The following PECAM1 variants were observed in gnomAD, a reference collection of about 807,000 sequenced individuals.
PECAM1 encodes platelet and endothelial cell adhesion molecule 1.
A neutral mutation model predicts 13.8 loss-of-function variants in PECAM1; 8 were observed. The ratio of observed to expected loss-of-function variants is 0.58; its 90% confidence interval spans 0.34 to 1.05. PECAM1 has a LOEUF of 1.05. Ranked by LOEUF, PECAM1 falls within the 50% of genes least tolerant of loss-of-function variation. The pLI is 0.03. For synonymous variants in PECAM1, 136 were observed against 52.6 expected, an observed-to-expected ratio of 2.58 and a Z score of -6.86; for missense variants, 304 against 141.2, an observed-to-expected ratio of 2.15 and a Z score of -5.84.
chr17:64,347,365 A>C (rs1040060721), intron 13 of PECAM1, among the ~76,000 whole-genome samples: 20 of 149,104 alleles, frequency 1.3e-4, no homozygotes, highest in African/African-American at 4.7e-4. Context: ...TAAAAATACA[A>C]AAAAAAAATA....
Position 64,374,210 on chromosome 17 carries a change from C to T in PECAM1, c.691+841G>A, listed in dbSNP as rs7222315. 8.5e-3 allele frequency among the ~76,000 whole-genome samples: 1,297 copies of T among 152,306 alleles called. 12 individuals are homozygous for T. The highest frequency in any genetic ancestry group is 0.028 in the African/African-American group (1,158 of 41,550). On this transcript the variant is annotated intron_variant, in intron 4 of 15. Coordinates refer to ENST00000563924, the MANE Select transcript of PECAM1 (RefSeq NM_000442.5). ...GCCAGTGTTTAAAGACTGAAATAGG[C>T]TGGGCACGGTGGCTCACGCCTGTAA...
chr17:64,337,650 C>T (rs1470701330), intron 14 of PECAM1, among the ~76,000 whole-genome samples: 1 of 136,694 alleles, frequency 7.3e-6, no homozygotes, highest in Non-Finnish European at 1.6e-5. Flanking sequence ...TCAAATCCTA[C>T]AAGAGTGGGT....
chr17:64,384,288 T>G (rs1376490567), intron 2 of PECAM1, among the ~76,000 whole-genome samples: 1 of 152,122 alleles, frequency 6.6e-6, no homozygotes, highest in Non-Finnish European at 1.5e-5. Context: ...GTCTCAGCTC[T>G]TCATCTTAAC....
intron 5 of PECAM1, 93 bp from the exon 6 acceptor site, chr17:64,363,490 C>T (rs2036032964): frequency 4.3e-6 from 2 of 468,972 alleles, no homozygotes; most frequent in Non-Finnish European, 7.7e-6. Flanking sequence ...GTGCTCTTGG[C>T]AGAACCAACT....
chr17:64,360,704 C>T (rs2035953378), intron 6 of PECAM1, among the ~76,000 whole-genome samples: 1 of 151,472 alleles, frequency 6.6e-6, no homozygotes, highest in African/African-American at 2.4e-5. Flanking sequence ...CCCAGAAATA[C>T]ATGTTCATAT....
At chr17:64,369,725 C>A (rs964696740) in intron 5 of PECAM1, 25 bp downstream of exon 5, 2 of 398,552 alleles carry the variant, frequency 5.0e-6, no homozygotes, top group African/African-American at 2.1e-5. Flanking sequence ...CATATGCCAA[C>A]ACCCTCCCGC....
At chr17:64,373,526 C>CTGTGTGTGTG (rs199493363) in intron 4 of PECAM1, among the ~76,000 whole-genome samples, 6 of 148,922 alleles carry the variant, frequency 4.0e-5, no homozygotes, top group South Asian at 2.1e-4. Context: ...GATGTTTTTT[C>CTGTGTGTGTG]TGTGTGTGTG....
chr17:64,330,033 C>T (rs2035064699), intron 14 of PECAM1, among the ~76,000 whole-genome samples: 1 of 151,716 alleles, frequency 6.6e-6, no homozygotes, highest in African/African-American at 2.4e-5. Context: ...CATCTTGGCT[C>T]ACCGTAACCT....
Position 64,358,951 on chromosome 17 carries a change from C to T in PECAM1, c.1492+1189G>A, listed in dbSNP as rs1394674037. 9.9e-5 allele frequency among the ~76,000 whole-genome samples: 15 copies of T among 152,118 alleles called. 1 individual carries two copies. The highest frequency in any genetic ancestry group is 7.9e-4 in the Admixed American group (12 of 15,256). ...AGCTGGCATTAAAGGTGCCCACCAC[C>T]ACACCCAGCTAATTTTTTGTATTTT... is the stretch of plus-strand genomic sequence containing the variant. On this transcript the variant is annotated intron_variant, in intron 7 of 15. Transcript: ENST00000563924.
chr17:64,368,852 C>CA (rs1415976740), intron 5 of PECAM1, among the ~76,000 whole-genome samples: 17 of 75,580 alleles, frequency 2.2e-4, no homozygotes, highest in African/African-American at 8.7e-4. Flanking sequence ...GACTTTGTCT[C>CA]AAAAAAGAAA....
chr17:64,327,527 G>T (rs375240578), intron 15 of PECAM1, among the ~76,000 whole-genome samples: 9 of 152,172 alleles, frequency 5.9e-5, no homozygotes, highest in African/African-American at 1.4e-4. Flanking sequence ...CTCCAGGAAG[G>T]GGGGAGGCGA....
chr17:64,379,721 G>A (rs1267714381), intron 2 of PECAM1, among the ~76,000 whole-genome samples: 5 of 152,004 alleles, frequency 3.3e-5, no homozygotes, highest in African/African-American at 9.7e-5. Context: ...TTCTATACAT[G>A]GCTAAAAAAA....
intron 14 of PECAM1, among the ~76,000 whole-genome samples, chr17:64,334,779 T>C (rs1343191668): frequency 6.6e-6 from 1 of 152,022 alleles, no homozygotes; most frequent in African/African-American, 2.4e-5. Flanking sequence ...ATTGCTGGGA[T>C]TACAGGCGTG....
chr17:64,342,635 G>T (rs2143737723), intron 13 of PECAM1, among the ~76,000 whole-genome samples: 1 of 152,074 alleles, frequency 6.6e-6, no homozygotes, highest in East Asian at 1.9e-4. Flanking sequence ...ATCTCCTCAG[G>T]GGCCCTAATA....
chr17:64,360,222 T>C lies in PECAM1; in HGVS notation c.1410A>G (p.Glu470=). Residue 470 remains glutamate, a synonymous_variant, in exon 7 of 16, where the codon GAA becomes GAG. Transcript: ENST00000563924. ...CTGCAACACACTGGTATTCGACGTC[T>C]TCAGTGGGGTTGTCTTTGAATACCG... is the stretch of plus-strand genomic sequence containing the variant. ...DPAVFKDNPT[E]DVEYQCVADN... is the part of the protein sequence containing the mutation. The C allele has an allele frequency of 2.1e-6, 1 of 475,410 alleles. No individual in the cohort carries two copies. The highest frequency in any genetic ancestry group is 3.9e-6 in the Non-Finnish European group (1 of 259,044). The allele number at this position is 475,410 out of a possible 1,614,324, so 29.4% of individuals were successfully genotyped here.
chr17:64,373,148 A>AAATAAATAAATAAATAAAT, intron 4 of PECAM1, among the ~76,000 whole-genome samples: 1 of 139,316 alleles, frequency 7.2e-6, no homozygotes, highest in Non-Finnish European at 1.5e-5. Context: ...AATAAATAAA[A>AAATAAATAAATAAATAAAT]AAAAAAGAAA....
At chr17:64,334,245 T>A (rs1029193776) in intron 14 of PECAM1, among the ~76,000 whole-genome samples, 7 of 151,786 alleles carry the variant, frequency 4.6e-5, no homozygotes, top group African/African-American at 9.7e-5. Context: ...CCCAGCTCTC[T>A]CTCCTCGGCC....
At chr17:64,389,083 T>C (rs1396724575) in intron 2 of PECAM1, among the ~76,000 whole-genome samples, 1 of 152,160 alleles carries the variant, frequency 6.6e-6, no homozygotes, top group Admixed American at 6.5e-5. Context: ...AGGAAGCACC[T>C]ACAGTTGAGC....
rs1384237450 is a variant in PECAM1, at chr17:64,361,127, A to ATG, written c.1217-713_1217-712insCA. Among the ~76,000 whole-genome samples the ATG allele has an allele frequency of 3.0e-4, 14 of 47,006 alleles. 1 individual carries two copies. The highest frequency in any genetic ancestry group is 5.5e-4 in the African/African-American group (11 of 20,134). The allele number at this position is 47,006 out of a possible 152,430, so 30.8% of individuals were successfully genotyped here. ...TGAGCCACCACACCTGGCTGAGCAT[A>ATG]TATGTGTGTGTGTGTGTGTGTGTGT... On this transcript the variant is annotated intron_variant, in intron 6 of 15. Coordinates refer to ENST00000563924, the MANE Select transcript of PECAM1 (RefSeq NM_000442.5).
Sources: allele counts gnomAD v4.1 joint callset (sites outside exome capture counted in the v4.1 genomes callset), GRCh38; gene constraint gnomAD v4.1.1; transcripts MANE v1.5; gene names NCBI Gene and HGNC (gene_info 2026-07-23, HGNC 2026-07-21).